Variants in PIK3CD observed in about 807,000 individuals in gnomAD.
The protein encoded by PIK3CD is phosphatidylinositol-4,5-bisphosphate 3-kinase catalytic subunit delta.
Under a neutral mutation model 122.9 loss-of-function variants are expected in PIK3CD, and 20 were observed. The observed-to-expected ratio is 0.16, with a 90% confidence interval of 0.11 to 0.24. The LOEUF (loss-of-function observed/expected upper bound fraction) is 0.24. Ranked by LOEUF, PIK3CD falls within the 10% of genes least tolerant of loss-of-function variation. PIK3CD has a pLI of 1.00. For synonymous variants in PIK3CD, 596 were observed against 593.4 expected, an observed-to-expected ratio of 1.00 and a Z score of -0.06; for missense variants, 787 against 1,406.3, an observed-to-expected ratio of 0.56 and a Z score of 7.04.
chr1:9,723,376 C>A lies in PIK3CD; in HGVS notation c.2594+84C>A. The A allele has an allele frequency of 7.1e-7, 1 of 1,408,742 alleles. No homozygotes were observed. Among genetic ancestry groups the A allele is most frequent in the Non-Finnish European group, 1.0e-6 (1 of 995,328 alleles). The allele number at this position is 1,408,742 out of a possible 1,614,324, so 87.3% of individuals were successfully genotyped here. ...GGCCTCGCCTGTCAGAACAAAGGAGCGGGGAGGGGCCTCAGACCATCTTTG... is the reference window on the plus strand; with the variant it reads ...GGCCTCGCCTGTCAGAACAAAGGAGAGGGGAGGGGCCTCAGACCATCTTTG... On this transcript the variant is annotated intron_variant, in intron 20 of 23. Coordinates refer to ENST00000377346, the MANE Select transcript of PIK3CD (RefSeq NM_005026.5). The surrounding 1 kb of genome is among the most constrained non-coding windows in gnomAD (Gnocchi z 4.9).
chr1:9,673,381 T>G (rs1369551298), intron 1 of PIK3CD, among the ~76,000 whole-genome samples: 1 of 152,168 alleles, frequency 6.6e-6, no homozygotes, highest in Non-Finnish European at 1.5e-5. Context: ...TGCCTCAGCC[T>G]CCCGTGTAGC....
At chr1:9,650,542 TGAACCCAG>T (rs1016181377), upstream of PIK3CD, among the ~76,000 whole-genome samples, 2 of 152,120 alleles carry the variant, frequency 1.3e-5, no homozygotes, top group African/African-American at 4.8e-5. Context: ...GAGAATTGCT[TGAACCCAG>T]GATGCAGAGA....
At chr1:9,685,766 T>G (rs1437637856) in intron 1 of PIK3CD, among the ~76,000 whole-genome samples, 1 of 147,516 alleles carries the variant, frequency 6.8e-6, no homozygotes, top group Non-Finnish European at 1.5e-5. Context: ...AGCCTCAAAC[T>G]CAAGCGATCC....
the PIK3CD span, among the ~76,000 whole-genome samples, chr1:9,632,365 G>A: frequency 2.0e-5 from 3 of 152,058 alleles, no homozygotes; most frequent in Non-Finnish European, 4.4e-5. Flanking sequence ...CCAGGTTGGA[G>A]TGCAGTGGCT....
intron 1 of PIK3CD, among the ~76,000 whole-genome samples, chr1:9,670,205 G>A (rs1318603012): frequency 6.7e-6 from 1 of 149,626 alleles, no homozygotes; most frequent in Non-Finnish European, 1.5e-5. Context: ...GAAAGGAGAT[G>A]TACTCCCAGA....
Position 9,667,063 on chromosome 1 carries a change from C to T in PIK3CD, c.-138+15261C>T, listed in dbSNP as rs1320853398. Among the ~76,000 whole-genome samples, 3 of 152,090 alleles carry T rather than the reference C, an allele frequency of 2.0e-5. No homozygotes were observed. The East Asian group carries it at 5.8e-4, about 29-fold the overall frequency. On this transcript the variant is annotated intron_variant, in intron 1 of 23. Transcript: ENST00000377346. ...TATTTTAGTAGATACGGGGTTTCAC[C>T]ATGTTTTCCAAGCTGGTCTCGAACT... is the stretch of plus-strand genomic sequence containing the variant.
chr1:9,695,843 CAA>C (rs1265700443), intron 2 of PIK3CD, among the ~76,000 whole-genome samples: 15 of 69,482 alleles, frequency 2.2e-4, no homozygotes, highest in Non-Finnish European at 2.3e-4. Flanking sequence ...GACTCAGTCT[CAA>C]AAAAAAAAAA....
At position 9,720,207 on chromosome 1, in the gene PIK3CD, GCCCCGCACCCCGTGTACTA is replaced by G; in HGVS notation, c.1442_1460del (p.His481ProfsTer60). The G allele has an allele frequency of 6.2e-7, 1 of 1,610,920 alleles. No homozygotes were observed. The highest frequency in any genetic ancestry group is 8.5e-7 in the Non-Finnish European group (1 of 1,178,426). ...CCTGCTCATCTGCCTGCCCGAGGTG[GCCCCGCACCCCGTGTACTA>G]CCCCGCCCTGGAGAAGGTCAGTGGG... is the stretch of plus-strand genomic sequence containing the variant. On this transcript the variant is annotated frameshift_variant, in exon 11 of 24. Coordinates refer to ENST00000377346, the MANE Select transcript of PIK3CD (RefSeq NM_005026.5). LOFTEE classifies it high-confidence loss of function. The surrounding 1 kb of genome is among the most constrained non-coding windows in gnomAD (Gnocchi z 9.0).
chr1:9,643,853 C>G, the PIK3CD span, among the ~76,000 whole-genome samples: 1 of 152,212 alleles, frequency 6.6e-6, no homozygotes, highest in African/African-American at 2.4e-5. Context: ...CTTCACTATA[C>G]TTTTCCTGGC....
At chr1:9,643,441 GGGAA>G in the PIK3CD span, among the ~76,000 whole-genome samples, 16 of 124,760 alleles carry the variant, frequency 1.3e-4, no homozygotes, top group African/African-American at 3.3e-4. Flanking sequence ...AGAGAGAGAG[GGGAA>G]GGAAGGAAGG....
intron 1 of PIK3CD, among the ~76,000 whole-genome samples, chr1:9,681,559 C>T (rs1645752838): frequency 6.6e-6 from 1 of 152,194 alleles, no homozygotes; most frequent in African/African-American, 2.4e-5. Flanking sequence ...GGACTACAGG[C>T]GTGCGCCACT....
At chr1:9,651,690 C>G, upstream of PIK3CD, 1 of 151,238 alleles carries the variant, frequency 6.6e-6, no homozygotes, top group East Asian at 2.0e-4. Flanking sequence ...TGGCGGCAGG[C>G]GGGGCGCCCC....
At chr1:9,669,008 C>G (rs1343018434) in intron 1 of PIK3CD, among the ~76,000 whole-genome samples, 1 of 152,292 alleles carries the variant, frequency 6.6e-6, no homozygotes, top group East Asian at 1.9e-4. Flanking sequence ...GTCTTGGTGA[C>G]TGTTCGCTGC....
chr1:9,708,142 C>T (rs567379792), intron 2 of PIK3CD, among the ~76,000 whole-genome samples: 14 of 151,910 alleles, frequency 9.2e-5, no homozygotes, highest in Non-Finnish European at 1.5e-4. Flanking sequence ...CAAAGCAGGT[C>T]GCAGAAGACT....
chr1:9,699,675 C>A (rs1394839683), intron 2 of PIK3CD, among the ~76,000 whole-genome samples: 1 of 152,036 alleles, frequency 6.6e-6, no homozygotes, highest in Non-Finnish European at 1.5e-5. Flanking sequence ...TGGCTCACTG[C>A]AACCTCTGCC....
intron 1 of PIK3CD, among the ~76,000 whole-genome samples, chr1:9,682,709 G>A (rs1225757398): frequency 6.7e-6 from 1 of 149,630 alleles, no homozygotes; most frequent in Non-Finnish European, 1.5e-5. Flanking sequence ...ACCACCACAG[G>A]TGGCTAATTT....
chr1:9,672,301 G>GT (rs1645353948), intron 1 of PIK3CD: 1 of 152,178 alleles, frequency 6.6e-6, no homozygotes, highest in Non-Finnish European at 1.5e-5. Context: ...CTGGGAAGAT[G>GT]TTTATGTTTT....
chr1:9,684,913 T>C (rs79140574), intron 1 of PIK3CD, among the ~76,000 whole-genome samples: 2 of 151,052 alleles, frequency 1.3e-5, no homozygotes, highest in Non-Finnish European at 1.5e-5. Flanking sequence ...TTTTTTTTTT[T>C]CTCTCTCTGC....
chr1:9,638,588 G>A, the PIK3CD span, among the ~76,000 whole-genome samples: 78 of 151,490 alleles, frequency 5.1e-4, no homozygotes, highest in South Asian at 1.5e-3. Context: ...AAAAGTTAGC[G>A]GGGTGTGGTG....
Sources: gnomAD v4.1 joint callset for allele counts (sites outside exome capture counted in the v4.1 genomes callset) on GRCh38, gnomAD v4.1.1 for gene constraint, Gnocchi (gnomAD v3.1) non-coding constraint, MANE v1.5 for transcripts, NCBI Gene and HGNC (gene_info 2026-07-23, HGNC 2026-07-21) for gene names.